The following SLC17A9 variants were observed in gnomAD, a reference collection of about 807,000 sequenced individuals.
SLC17A9 encodes voltage-gated purine nucleotide uniporter SLC17A9.
Under a neutral mutation model 55.0 loss-of-function variants are expected in SLC17A9, and 49 were observed. The observed-to-expected ratio is 0.89, with a 90% CI of 0.71 to 1.13. The LOEUF is 1.13. Ranked by LOEUF, SLC17A9 falls within the 50% of genes most tolerant of loss-of-function variation. SLC17A9 has a pLI of 0.00. For synonymous variants in SLC17A9, 256 were observed against 247.4 expected (o/e 1.03, Z -0.32); for missense variants, 526 against 569.3 (o/e 0.92, Z 0.77).
chr20:62,964,126 T>C, intron 7 of SLC17A9, 102 bp from the exon 8 acceptor site: 1 of 1,177,996 alleles, frequency 8.5e-7, no homozygotes. Context: ...AGAGCTTTCC[T>C]GGGCAGTGGT....
chr20:62,956,919 G>A lies in SLC17A9; in HGVS notation c.214G>A (p.Gly72Ser). Residue 72 changes from glycine to serine, a missense_variant, in exon 2 of 13, where the codon GGC becomes AGC. Gly to Ser is a moderately conservative substitution (Grantham distance 56, BLOSUM62 0). Transcript: ENST00000370351. Reference sequence around the variant, plus strand: ...CATCGTGCTCAGCAGCTTCTTCTGGGGCTACTGCCTGACACAGGTTGTGGG... The same window carrying A: ...CATCGTGCTCAGCAGCTTCTTCTGGAGCTACTGCCTGACACAGGTTGTGGG... ...AGIVLSSFFW[G>S]YCLTQVVGGH... The A allele has an allele frequency of 6.2e-7, 1 of 1,613,584 alleles. No homozygotes were observed. Among genetic ancestry groups the A allele is most frequent in the African/African-American group, 1.3e-5 (1 of 75,062 alleles).
Position 62,965,710 on chromosome 20 carries a change from A to G in SLC17A9, c.1046A>G (p.Gln349Arg). The change falls in exon 10 of 13, where the codon CAG becomes CGG. Residue 349 changes from glutamine to arginine, a missense_variant. By Grantham distance (43) the Gln-to-Arg change is conservative. Transcript: ENST00000370351. ...VVFASASIGL[Q>R]TFNHSGISVN... ...TTTGCATCAGCCTCCATCGGCCTCC[A>G]GACCTTCAACCACAGGTGAGGGCCG... The G allele has an allele frequency of 6.2e-7, 1 of 1,613,804 alleles. No individual in the cohort carries two copies. The highest frequency in any genetic ancestry group is 1.3e-5 in the African/African-American group (1 of 75,056).
At chr20:62,963,888 C>T (rs1427375836) in intron 7 of SLC17A9, 25 of 600,724 alleles carry the variant, frequency 4.2e-5, no homozygotes, top group Admixed American at 2.7e-4. Context: ...GGAAATGATG[C>T]GGGCGCTCGG....
At chr20:62,954,570 C>T (rs2065519829) in intron 1 of SLC17A9, among the ~76,000 whole-genome samples, 2 of 152,176 alleles carry the variant, frequency 1.3e-5, no homozygotes, top group Non-Finnish European at 1.5e-5. Context: ...TGGCACACCC[C>T]CCGTCCCCCG....
chr20:62,965,001 G>A (rs1568917399), intron 8 of SLC17A9, 131 bp from the exon 9 acceptor site: 8 of 1,046,966 alleles, frequency 7.6e-6, no homozygotes, highest in South Asian at 4.1e-5. Flanking sequence ...CCTGCAGCAC[G>A]GGATAGCTGT....
At chr20:62,965,465 G>T (rs2065627464) in intron 9 of SLC17A9, 145 bp from the exon 10 acceptor site, 3 of 787,014 alleles carry the variant, frequency 3.8e-6, no homozygotes, top group East Asian at 2.4e-5. Flanking sequence ...TCCTCTAGGG[G>T]GCCTGGTCTG....
chr20:62,963,135 G>T, intron 5 of SLC17A9, 138 bp from the exon 6 acceptor site: 1 of 861,276 alleles, frequency 1.2e-6, no homozygotes, highest in Non-Finnish European at 1.8e-6. Context: ...GCCAAGGGAG[G>T]CTGGCGCCCA....
intron 4 of SLC17A9, among the ~76,000 whole-genome samples, chr20:62,961,855 G>A (rs553266379): frequency 8.5e-5 from 13 of 152,312 alleles, no homozygotes; most frequent in South Asian, 4.1e-4. Context: ...GCTGGGCAGG[G>A]AGAGTGCTAC....
chr20:62,962,175 A>C lies in SLC17A9; in HGVS notation c.498-449A>C, dbSNP rs540397647. ...GATTTGGCCGTCATGGTATTTTTGC[A>C]TCCAGAAGTCTTTTTGAATTTTGTC... is the stretch of plus-strand genomic sequence containing the variant. On this transcript the variant is annotated intron_variant, in intron 4 of 12. Transcript: ENST00000370351. This position sits in a 1 kb window ranked among gnomAD's most constrained non-coding sequence, Gnocchi z 5.5. 2 of 153,600 alleles carry C rather than the reference A, an allele frequency of 1.3e-5. No individual in the cohort carries two copies. Among genetic ancestry groups the C allele is most frequent in the Non-Finnish European group, 2.9e-5 (2 of 69,012 alleles). The allele number at this position is 153,600 out of a possible 1,614,324, so 9.5% of individuals were successfully genotyped here. A position where few individuals can be genotyped will look rare whatever the true frequency, so the allele number is the denominator to read the frequency against.
chr20:62,960,665 C>A (rs939644439), intron 4 of SLC17A9, 62 bp downstream of exon 4: 3 of 1,502,372 alleles, frequency 2.0e-6, no homozygotes, highest in Middle Eastern at 2.0e-4. Flanking sequence ...TGCCGAGTGG[C>A]CCCTGGTCTG....
intron 4 of SLC17A9, among the ~76,000 whole-genome samples, chr20:62,961,841 C>A (rs753722318): frequency 6.6e-6 from 1 of 152,220 alleles, no homozygotes; most frequent in Non-Finnish European, 1.5e-5. Context: ...CAAGTGTGGG[C>A]TGGGCTGGGC....
At chr20:62,963,211 T>C in intron 5 of SLC17A9, 62 bp from the exon 6 acceptor site, 14 of 1,555,082 alleles carry the variant, frequency 9.0e-6, no homozygotes, top group Non-Finnish European at 1.1e-5. Context: ...TCCCCAATCC[T>C]TTGGCAACGG....
At chr20:62,957,059 T>C in intron 2 of SLC17A9, 97 bp downstream of exon 2, 1 of 1,412,854 alleles carries the variant, frequency 7.1e-7, no homozygotes, top group Non-Finnish European at 9.7e-7. Context: ...ACGCAGAGGA[T>C]GCGACTCCTG....
At chr20:62,963,893 G>A (rs894541426) in intron 7 of SLC17A9, 7 of 599,094 alleles carry the variant, frequency 1.2e-5, no homozygotes, top group African/African-American at 5.6e-5. Flanking sequence ...TGATGCGGGC[G>A]CTCGGTGCCT....
intron 1 of SLC17A9, among the ~76,000 whole-genome samples, chr20:62,954,335 G>A (rs1311020601): frequency 6.6e-6 from 1 of 152,218 alleles, no homozygotes; most frequent in Non-Finnish European, 1.5e-5. Flanking sequence ...CAGAGCTGGA[G>A]GGCGGCACCC....
At chr20:62,957,903 C>CTG (rs150146892) in intron 3 of SLC17A9, among the ~76,000 whole-genome samples, 1 of 150,170 alleles carries the variant, frequency 6.7e-6, no homozygotes, top group African/African-American at 2.5e-5. Context: ...ATGCGTGCAC[C>CTG]TGTGTGTGTG....
chr20:62,955,139 CT>C (rs1203689353), intron 1 of SLC17A9, among the ~76,000 whole-genome samples: 57 of 145,836 alleles, frequency 3.9e-4, no homozygotes, highest in East Asian at 4.0e-4. Flanking sequence ...GTTTTTTTTT[CT>C]TTTTTTTTTT....
intron 5 of SLC17A9, 87 bp from the exon 6 acceptor site, chr20:62,963,186 G>A: frequency 7.0e-7 from 1 of 1,429,462 alleles, no homozygotes; most frequent in Non-Finnish European, 9.6e-7. Context: ...TGACCCCTCT[G>A]GAACCACCCC....
rs190807854 is a variant in SLC17A9, at chr20:62,962,470, C to A, written c.498-154C>A. 2.9e-4 allele frequency: 272 copies of A among 949,264 alleles called. 1 individual carries two copies. The highest frequency in any genetic ancestry group is 5.1e-5 in the Non-Finnish European group (34 of 662,072). The allele number at this position is 949,264 out of a possible 1,614,324, so 58.8% of individuals were successfully genotyped here. A position where few individuals can be genotyped will look rare whatever the true frequency, so the allele number is the denominator to read the frequency against. Reference sequence around the variant, plus strand: ...ACCCGAAGTCCTTAACAAAACAGGCCAGGACGGTGGCTTCTGAGCTGCTCC... The same window carrying A: ...ACCCGAAGTCCTTAACAAAACAGGCAAGGACGGTGGCTTCTGAGCTGCTCC... On this transcript the variant is annotated intron_variant, in intron 4 of 12. Coordinates refer to ENST00000370351, the MANE Select transcript of SLC17A9 (RefSeq NM_022082.4). The surrounding 1 kb of genome is among the most constrained non-coding windows in gnomAD (Gnocchi z 5.5).
Sources: allele counts gnomAD v4.1 joint callset (sites outside exome capture counted in the v4.1 genomes callset), GRCh38; gene constraint gnomAD v4.1.1; non-coding constraint Gnocchi (gnomAD v3.1); transcripts MANE v1.5; gene names NCBI Gene and HGNC (gene_info 2026-07-23, HGNC 2026-07-21).